Variants in OPCML observed in about 807,000 individuals in gnomAD.
OPCML encodes opioid-binding protein/cell adhesion molecule.
Under a neutral mutation model 37.8 loss-of-function variants are expected in OPCML, and 13 were observed. The observed-to-expected ratio is 0.34, with a 90% CI of 0.22 to 0.55. The LOEUF (loss-of-function observed/expected upper bound fraction) is 0.55. OPCML is among the 20% of genes least tolerant of loss of function. The probability of loss-of-function intolerance (pLI) is 0.91; values close to 1 mark genes in which losing one functional copy is unlikely to be tolerated. For missense variants in OPCML, 341 were observed against 435.6 expected (o/e 0.78, Z 1.93); for synonymous variants, 176 against 168.8 (o/e 1.04, Z -0.33).
chr11:132,801,663 A>T (rs1255091214), intron 2 of OPCML, among the ~76,000 whole-genome samples: 2 of 152,224 alleles, frequency 1.3e-5, no homozygotes, highest in African/African-American at 2.4e-5. Context: ...AGAAACTGAG[A>T]TGGGTATATA....
rs184495064 is a variant in OPCML at position 132,513,639 on chromosome 11, T to C, written c.505+15422A>G. On this transcript the variant is annotated intron_variant, in intron 4 of 7. Coordinates refer to ENST00000524381, the MANE Select transcript of OPCML (RefSeq NM_001012393.5). ...CTCTTATCTCCATTGCCTAGAATAT[T>C]TCTCTTTGCCTCTACCTCACCCATT... 3.6e-3 allele frequency among the ~76,000 whole-genome samples: 547 copies of C among 152,302 alleles called. 2 individuals are homozygous for C. The highest frequency in any genetic ancestry group is 5.6e-3 in the Non-Finnish European group (384 of 68,018).
intron 2 of OPCML, among the ~76,000 whole-genome samples, chr11:132,736,100 G>A (rs1945246970): frequency 6.6e-6 from 1 of 152,164 alleles, no homozygotes; most frequent in South Asian, 2.1e-4. Flanking sequence ...TGTATATCCT[G>A]TTGTCCTCTT....
At chr11:133,014,950 T>C (rs1947292733) in intron 1 of OPCML, among the ~76,000 whole-genome samples, 1 of 152,156 alleles carries the variant, frequency 6.6e-6, no homozygotes, top group Admixed American at 6.5e-5. Flanking sequence ...TGAAGAAATT[T>C]ATCAGTGTGT....
intron 1 of OPCML, among the ~76,000 whole-genome samples, chr11:132,969,538 C>T (rs573969121): frequency 1.3e-5 from 2 of 152,150 alleles, no homozygotes; most frequent in Non-Finnish European, 2.9e-5. Context: ...ACCCCCCCTG[C>T]AACTGTGTTT....
intron 1 of OPCML, among the ~76,000 whole-genome samples, chr11:132,950,387 T>A (rs1421084200): frequency 6.6e-6 from 1 of 152,064 alleles, no homozygotes; most frequent in African/African-American, 2.4e-5. Flanking sequence ...AGAGAGCGAT[T>A]GAGGAAGATT....
intron 1 of OPCML, among the ~76,000 whole-genome samples, chr11:133,402,767 T>C (rs772628656): frequency 1.3e-5 from 2 of 152,166 alleles, no homozygotes; most frequent in Non-Finnish European, 2.9e-5. Flanking sequence ...AACTGCTGAC[T>C]AGACTGACCG....
chr11:132,508,320 T>C (rs1418802982), intron 4 of OPCML, among the ~76,000 whole-genome samples: 4 of 152,180 alleles, frequency 2.6e-5, no homozygotes, highest in East Asian at 1.9e-4. Flanking sequence ...TAACAAAATA[T>C]TGACAAAGTT....
At chr11:133,167,567 C>T (rs1479173888) in intron 1 of OPCML, among the ~76,000 whole-genome samples, 2 of 149,804 alleles carry the variant, frequency 1.3e-5, no homozygotes, top group Non-Finnish European at 3.0e-5. Flanking sequence ...TCAAGTTTTT[C>T]CATTCCTAAG....
At chr11:132,500,529 C>T (rs1002934099) in intron 4 of OPCML, among the ~76,000 whole-genome samples, 2 of 152,166 alleles carry the variant, frequency 1.3e-5, no homozygotes, top group African/African-American at 4.8e-5. Flanking sequence ...GGTGTCTTTA[C>T]ATGCTGTAAA....
At chr11:133,411,797 G>A (rs1393210334) in intron 1 of OPCML, among the ~76,000 whole-genome samples, 1 of 152,166 alleles carries the variant, frequency 6.6e-6, no homozygotes, top group Non-Finnish European at 1.5e-5. Context: ...TGCTTGTGGT[G>A]GAAGATCACC....
At chr11:133,090,308 G>A (rs1175066351) in intron 1 of OPCML, among the ~76,000 whole-genome samples, 1 of 152,102 alleles carries the variant, frequency 6.6e-6, no homozygotes, top group Non-Finnish European at 1.5e-5. Context: ...TTGGAACTGG[G>A]TAATGGGCAG....
intron 3 of OPCML, among the ~76,000 whole-genome samples, chr11:132,629,112 A>G (rs1181174999): frequency 6.6e-6 from 1 of 152,054 alleles, no homozygotes; most frequent in Admixed American, 6.6e-5. Flanking sequence ...TTCCCATGGA[A>G]AGCACAGTAA....
intron 2 of OPCML, among the ~76,000 whole-genome samples, chr11:132,864,845 A>T (rs1161742995): frequency 6.6e-6 from 1 of 152,252 alleles, no homozygotes. Context: ...AGCAACAACA[A>T]CATACTGGAC....
chr11:133,048,736 C>T (rs754697820), intron 1 of OPCML, among the ~76,000 whole-genome samples: 1 of 152,108 alleles, frequency 6.6e-6, no homozygotes, highest in Non-Finnish European at 1.5e-5. Context: ...TGCTGTTATG[C>T]CCCAGAGAGA....
intron 2 of OPCML, among the ~76,000 whole-genome samples, chr11:132,900,912 G>A (rs1170597438): frequency 3.3e-5 from 5 of 152,142 alleles, no homozygotes; most frequent in African/African-American, 1.2e-4. Context: ...TATCTCCGGG[G>A]CCGGGTGCAG....
At chr11:133,042,091 C>T (rs1379025746) in intron 1 of OPCML, among the ~76,000 whole-genome samples, 3 of 152,110 alleles carry the variant, frequency 2.0e-5, no homozygotes, top group African/African-American at 7.2e-5. Flanking sequence ...GACTAATCAC[C>T]ACCATTAGGC....
At chr11:132,854,035 T>C (rs186602429) in intron 2 of OPCML, among the ~76,000 whole-genome samples, 2 of 152,290 alleles carry the variant, frequency 1.3e-5, no homozygotes, top group Non-Finnish European at 2.9e-5. Context: ...TGCCCTAACA[T>C]CAGATGCCAA....
chr11:132,850,317 C>G (rs1396277430), intron 2 of OPCML, among the ~76,000 whole-genome samples: 1 of 152,142 alleles, frequency 6.6e-6, no homozygotes, highest in Non-Finnish European at 1.5e-5. Context: ...TGGTCCCTAG[C>G]CATCTTGAGA....
chr11:133,087,857 AG>A (rs1216375592), intron 1 of OPCML, among the ~76,000 whole-genome samples: 4 of 152,208 alleles, frequency 2.6e-5, no homozygotes, highest in Non-Finnish European at 4.4e-5. Flanking sequence ...CAAACTTCAA[AG>A]CCCTCATCTG....
Sources: gnomAD v4.1 joint callset for allele counts (sites outside exome capture counted in the v4.1 genomes callset) on GRCh38, gnomAD v4.1.1 for gene constraint, MANE v1.5 for transcripts, NCBI Gene and HGNC (gene_info 2026-07-23, HGNC 2026-07-21) for gene names.